DLG2: variants seen among roughly 807,000 people sequenced by gnomAD.
DLG2 encodes disks large homolog 2.
Under a neutral mutation model 132.5 loss-of-function variants are expected in DLG2, and 45 were observed. The observed-to-expected ratio is 0.34, with a 90% confidence interval of 0.27 to 0.44. The LOEUF is 0.44. Ranked by LOEUF, DLG2 falls within the 20% of genes least tolerant of loss-of-function variation. The pLI is 1.00. For missense variants in DLG2, 1,045 were observed against 1,196.9 expected, an observed-to-expected ratio of 0.87 and a Z score of 1.87; for synonymous variants, 424 against 419.6, an observed-to-expected ratio of 1.01 and a Z score of -0.13.
At chr11:84,833,405 C>T (rs538774543) in intron 6 of DLG2, among the ~76,000 whole-genome samples, 1 of 151,574 alleles carries the variant, frequency 6.6e-6, no homozygotes, top group African/African-American at 2.4e-5. Flanking sequence ...TTTATCTCAC[C>T]CCTAAAATGT....
At chr11:84,720,584 C>T in intron 6 of DLG2, 1 of 645,762 alleles carries the variant, frequency 1.5e-6, no homozygotes, top group Non-Finnish European at 1.9e-6. Flanking sequence ...GGTCTCCCTT[C>T]CCTGGGGAAC....
chr11:85,479,283 G>A (rs770139669), intron 3 of DLG2, among the ~76,000 whole-genome samples: 1 of 152,134 alleles, frequency 6.6e-6, no homozygotes, highest in Non-Finnish European at 1.5e-5. Flanking sequence ...ACTGTCTCAT[G>A]AGGGCCCGCT....
intron 6 of DLG2, among the ~76,000 whole-genome samples, chr11:85,034,827 G>T (rs780415089): frequency 6.6e-6 from 1 of 151,870 alleles, no homozygotes; most frequent in Non-Finnish European, 1.5e-5. Context: ...ACCAATTTTG[G>T]TATCCTTGAT....
intron 7 of DLG2, among the ~76,000 whole-genome samples, chr11:84,275,269 C>T (rs559344553): frequency 2.6e-5 from 4 of 152,274 alleles, no homozygotes; most frequent in African/African-American, 9.6e-5. Flanking sequence ...TGTGTGGAAA[C>T]AGTTTTAAAA....
chr11:85,019,735 TG>T (rs1020944276), intron 6 of DLG2, among the ~76,000 whole-genome samples: 48 of 152,176 alleles, frequency 3.2e-4, no homozygotes, highest in Admixed American at 3.1e-3. Flanking sequence ...TTTCTGTCTT[TG>T]TGACAGTTTG....
At chr11:84,849,826 T>C (rs934255945) in intron 6 of DLG2, among the ~76,000 whole-genome samples, 5 of 152,158 alleles carry the variant, frequency 3.3e-5, no homozygotes, top group African/African-American at 4.8e-5. Context: ...ACATTATCTA[T>C]CTTTTTCACT....
chr11:84,040,297 T>C (rs935823333), intron 11 of DLG2, among the ~76,000 whole-genome samples: 1 of 152,124 alleles, frequency 6.6e-6, no homozygotes, highest in African/African-American at 2.4e-5. Flanking sequence ...TCCTTGCCCA[T>C]GCCTATGTCC....
At chr11:83,844,404 T>C (rs915951124) in intron 16 of DLG2, among the ~76,000 whole-genome samples, 1 of 149,278 alleles carries the variant, frequency 6.7e-6, no homozygotes, top group African/African-American at 2.5e-5. Context: ...AAAAATTAGC[T>C]GGGCATGGTG....
chr11:84,416,863 AAAT>A (rs1167013988), intron 7 of DLG2, among the ~76,000 whole-genome samples: 2 of 152,240 alleles, frequency 1.3e-5, no homozygotes. Flanking sequence ...TAAATAACAG[AAAT>A]AATGGAATGA....
intron 6 of DLG2, among the ~76,000 whole-genome samples, chr11:84,857,637 T>C (rs992861451): frequency 1.3e-5 from 2 of 152,134 alleles, no homozygotes; most frequent in African/African-American, 2.4e-5. Context: ...ATATTCTTCA[T>C]ACTTTATTTA....
chr11:83,643,294 A>G (rs1285960891), intron 18 of DLG2, among the ~76,000 whole-genome samples: 2 of 152,196 alleles, frequency 1.3e-5, no homozygotes, highest in Non-Finnish European at 2.9e-5. Context: ...TGAGAGAGTA[A>G]ATGTGAAACT....
At chr11:84,513,087 G>A (rs1344042968) in intron 7 of DLG2, among the ~76,000 whole-genome samples, 2 of 151,900 alleles carry the variant, frequency 1.3e-5, no homozygotes, top group African/African-American at 4.8e-5. Context: ...AAATCACCAT[G>A]GCACATGTAT....
intron 7 of DLG2, among the ~76,000 whole-genome samples, chr11:84,258,079 T>C (rs1387986836): frequency 6.6e-6 from 1 of 152,152 alleles, no homozygotes. Flanking sequence ...CCCAAGAACC[T>C]TCCCCTCCTT....
chr11:84,265,161 C>A (rs751984032), intron 7 of DLG2, among the ~76,000 whole-genome samples: 54 of 152,084 alleles, frequency 3.6e-4, no homozygotes, highest in Non-Finnish European at 7.6e-4. Flanking sequence ...TCATCAATAT[C>A]ATGTGGTTCT....
At chr11:85,282,393 G>C (rs1299224917) in intron 4 of DLG2, among the ~76,000 whole-genome samples, 28 of 151,870 alleles carry the variant, frequency 1.8e-4, no homozygotes, top group Admixed American at 1.8e-3. Flanking sequence ...ATAAATGCTT[G>C]AGGTAATGGA....
At chr11:85,169,984 A>G (rs1265778956) in intron 4 of DLG2, among the ~76,000 whole-genome samples, 1 of 152,342 alleles carries the variant, frequency 6.6e-6, no homozygotes, top group South Asian at 2.1e-4. Context: ...TATTTGTCCT[A>G]TGGGGGGAAA....
At chr11:84,411,792 T>A (rs2098906442) in intron 7 of DLG2, among the ~76,000 whole-genome samples, 1 of 152,220 alleles carries the variant, frequency 6.6e-6, no homozygotes, top group Non-Finnish European at 1.5e-5. Context: ...GCCACAGTTA[T>A]TGCTTACTAT....
intron 3 of DLG2, among the ~76,000 whole-genome samples, chr11:85,503,236 A>C (rs2093846491): frequency 6.6e-6 from 1 of 152,134 alleles, no homozygotes; most frequent in Admixed American, 6.6e-5. Context: ...TTTAAGGTTA[A>C]GTTTTAAAAG....
At chr11:84,956,029 G>A (rs897644721) in intron 6 of DLG2, among the ~76,000 whole-genome samples, 3 of 152,124 alleles carry the variant, frequency 2.0e-5, no homozygotes, top group Admixed American at 6.6e-5. Context: ...AATAAGGGCC[G>A]GCAAGGAAAG....
Sources: gnomAD v4.1 joint callset for allele counts (sites outside exome capture counted in the v4.1 genomes callset) on GRCh38, gnomAD v4.1.1 for gene constraint, MANE v1.5 for transcripts, NCBI Gene and HGNC (gene_info 2026-07-23, HGNC 2026-07-21) for gene names.